Variants in KCTD1 observed in about 807,000 individuals in gnomAD.
KCTD1 encodes potassium channel tetramerization domain containing 1.
Under a neutral mutation model 66.0 loss-of-function variants are expected in KCTD1, and 24 were observed. The observed-to-expected ratio is 0.36, with a 90% CI of 0.26 to 0.51. The LOEUF is 0.51. KCTD1 is among the 20% of genes least tolerant of loss of function. The probability of loss-of-function intolerance (pLI) is 0.95; values close to 1 mark genes in which losing one functional copy is unlikely to be tolerated. For synonymous variants in KCTD1, 511 were observed against 517.2 expected (o/e 0.99, Z 0.16); for missense variants, 943 against 1,205.2 (o/e 0.78, Z 3.22).
At chr18:26,460,381 G>C (rs1463527893) in intron 3 of KCTD1, among the ~76,000 whole-genome samples, 1 of 152,226 alleles carries the variant, frequency 6.6e-6, no homozygotes, top group Non-Finnish European at 1.5e-5. Context: ...TGACCAAGGG[G>C]AGGCATAAGC....
chr18:26,551,039 G>A (rs1415592411), upstream of KCTD1, among the ~76,000 whole-genome samples: 1 of 152,092 alleles, frequency 6.6e-6, no homozygotes, highest in East Asian at 1.9e-4. Context: ...CCTGGGAGCG[G>A]AGCCGCCCCC....
chr18:26,573,439 A>T (rs1986155365), intron 1 of KCTD1, among the ~76,000 whole-genome samples: 1 of 152,230 alleles, frequency 6.6e-6, no homozygotes, highest in African/African-American at 2.4e-5. Flanking sequence ...CAATTAAAAA[A>T]ATCGTGATGC....
chr18:26,571,855 C>T (rs1459962816), intron 1 of KCTD1, among the ~76,000 whole-genome samples: 3 of 151,986 alleles, frequency 2.0e-5, no homozygotes, highest in Non-Finnish European at 1.5e-5. Flanking sequence ...AAGGTGTCTA[C>T]GTGTATAATG....
In KCTD1 at chr18:26,519,053, A is replaced by C. The variant is rs958919434; in HGVS notation, c.1810-17803T>G. Among the ~76,000 whole-genome samples the C allele has an allele frequency of 2.0e-5, 3 of 152,314 alleles. No homozygotes were observed. In the South Asian group the frequency reaches 6.2e-4, roughly 32 times the overall value. ...CTAATTACAAGAATAATATGTGGTA[A>C]ATTCATTATTTTTCCTGCTTTTATT... On this transcript the variant is annotated intron_variant, in intron 1 of 4. Transcript: ENST00000580059.
At chr18:26,652,500 A>C (rs1383045372) in intron 1 of KCTD1, among the ~76,000 whole-genome samples, 1 of 151,890 alleles carries the variant, frequency 6.6e-6, no homozygotes, top group Non-Finnish European at 1.5e-5. Flanking sequence ...TAATCATCTG[A>C]CATGTTTATA....
chr18:26,467,014 A>AT (rs540125801), intron 3 of KCTD1, among the ~76,000 whole-genome samples: 6 of 152,150 alleles, frequency 3.9e-5, no homozygotes, highest in South Asian at 2.1e-4. Flanking sequence ...AGAGGAAATA[A>AT]TTTTTTTTAA....
intron 1 of KCTD1, among the ~76,000 whole-genome samples, chr18:26,591,968 A>C (rs1454329990): frequency 6.6e-6 from 1 of 152,196 alleles, no homozygotes; most frequent in Non-Finnish European, 1.5e-5. Flanking sequence ...CACATGATAC[A>C]ATACTATTTT....
intron 1 of KCTD1, among the ~76,000 whole-genome samples, chr18:26,606,594 C>T (rs537969803): frequency 5.9e-5 from 9 of 152,304 alleles, no homozygotes; most frequent in African/African-American, 1.9e-4. Context: ...AACCTGTCTC[C>T]GTCATTAGAA....
chr18:26,544,452 T>C (rs188709716), intron 1 of KCTD1: 1 of 152,384 alleles, frequency 6.6e-6, no homozygotes, highest in East Asian at 1.9e-4. Context: ...ACCTGTCTGT[T>C]ATCGAGATGT....
At chr18:26,492,279 G>A (rs996494787) in intron 2 of KCTD1, among the ~76,000 whole-genome samples, 2 of 151,970 alleles carry the variant, frequency 1.3e-5, no homozygotes, top group Non-Finnish European at 2.9e-5. Context: ...GTAGGGGCAG[G>A]CAATTTTTTG....
upstream of KCTD1, among the ~76,000 whole-genome samples, chr18:26,552,989 T>TTC (rs1375183375): frequency 3.2e-5 from 4 of 126,604 alleles, no homozygotes; most frequent in Admixed American, 1.6e-4. Context: ...TTTTCTTTCT[T>TTC]TTTTTTTTTT....
At chr18:26,538,171 C>T (rs554651336) in intron 1 of KCTD1, among the ~76,000 whole-genome samples, 68 of 152,058 alleles carry the variant, frequency 4.5e-4, no homozygotes, top group Non-Finnish European at 8.8e-4. Context: ...CGCTTGAACC[C>T]AGGAGGCGGA....
intron 1 of KCTD1, among the ~76,000 whole-genome samples, chr18:26,534,090 T>C (rs1246596121): frequency 6.6e-6 from 1 of 152,146 alleles, no homozygotes; most frequent in African/African-American, 2.4e-5. Flanking sequence ...TTTTATGAGA[T>C]GGATAATCTT....
Position 26,459,745 on chromosome 18 carries a change from T to A in KCTD1, c.2314A>T (p.Ile772Leu). 1 of 1,614,174 alleles carries A rather than the reference T, an allele frequency of 6.2e-7. No homozygotes were observed. The highest frequency in any genetic ancestry group is 8.5e-7 in the Non-Finnish European group (1 of 1,180,022). The change falls in exon 4 of 5, where the codon ATA becomes TTA. Residue 772 changes from isoleucine (I) to leucine (L), a missense_variant. Transcript: ENST00000580059. The stretch of plus-strand genomic sequence containing the variant: ...CCGATCTCTGGAAATACTTCTTCTA[T>A]CAAGGATTTGTCACCGCTTAGCGTG... ...RITLSGDKSL[I>L]EEVFPEIGDV... is the part of the protein sequence containing the mutation.
At chr18:26,605,019 C>T (rs954329464) in intron 1 of KCTD1, among the ~76,000 whole-genome samples, 1 of 152,138 alleles carries the variant, frequency 6.6e-6, no homozygotes, top group South Asian at 2.1e-4. Context: ...CAGAGTATAG[C>T]CTTTATCCTC....
At chr18:26,464,112 C>T (rs1337864404) in intron 3 of KCTD1, among the ~76,000 whole-genome samples, 1 of 152,204 alleles carries the variant, frequency 6.6e-6, no homozygotes, top group Non-Finnish European at 1.5e-5. Context: ...TGAGAAATTA[C>T]CACAAATTTG....
chr18:26,506,464 T>C (rs1953887901), intron 1 of KCTD1, among the ~76,000 whole-genome samples: 1 of 152,022 alleles, frequency 6.6e-6, no homozygotes, highest in South Asian at 2.1e-4. Flanking sequence ...GGAAGGAGAG[T>C]GCCCAGTGCT....
At chr18:26,495,786 T>TCTTATTACCACTTGATAGTAATAA (rs1483518086) in intron 2 of KCTD1, among the ~76,000 whole-genome samples, 12 of 152,176 alleles carry the variant, frequency 7.9e-5, no homozygotes, top group Non-Finnish European at 1.6e-4. Flanking sequence ...AAGACCCTTG[T>TCTTATTACCACTTGATAGTAATAA]CTTATTACCA....
At chr18:26,485,935 CTTTTT>C (rs372930779) in intron 2 of KCTD1, among the ~76,000 whole-genome samples, 1 of 136,662 alleles carries the variant, frequency 7.3e-6, no homozygotes. Context: ...TAATTTAATC[CTTTTT>C]TTTTTTTTTT....
Sources: gnomAD v4.1 joint callset for allele counts (sites outside exome capture counted in the v4.1 genomes callset) on GRCh38, gnomAD v4.1.1 for gene constraint, MANE v1.5 for transcripts, NCBI Gene and HGNC (gene_info 2026-07-23, HGNC 2026-07-21) for gene names.